The following PABPC1L variants were observed in gnomAD, a reference collection of about 807,000 sequenced individuals.
The protein encoded by PABPC1L is poly(A) binding protein cytoplasmic 1 like.
In PABPC1L, 31 loss-of-function variants were observed where a neutral mutation model predicts 66.6. The observed-to-expected ratio is 0.47, with a 90% CI of 0.35 to 0.63. The LOEUF is 0.63. Among genes scored for constraint, PABPC1L ranks in the 20% least tolerant of loss-of-function variants. The pLI is 0.00. For missense variants in PABPC1L, 722 were observed against 848.8 expected (o/e 0.85, Z 1.86); for synonymous variants, 348 against 335.1 (o/e 1.04, Z -0.42).
chr20:44,921,550 A>G, intron 5 of PABPC1L, 44 bp from the exon 6 acceptor site: 1 of 1,606,528 alleles, frequency 6.2e-7, no homozygotes, highest in Non-Finnish European at 8.5e-7. Context: ...GGCCAGGGCC[A>G]CATCTGAGTG....
intron 3 of PABPC1L, among the ~76,000 whole-genome samples, chr20:44,917,361 A>AT (rs11483820): frequency 0.64 from 83,899 of 130,658 alleles, 26,908 homozygotes; most frequent in African/African-American, 0.67. Context: ...TAATTTTTTG[A>AT]TTTTTTTTTT....
chr20:44,933,355 A>G (rs1392447138), intron 10 of PABPC1L, among the ~76,000 whole-genome samples, 170 bp downstream of exon 10: 3 of 152,278 alleles, frequency 2.0e-5, no homozygotes, highest in East Asian at 3.9e-4. Context: ...CCAACTGACT[A>G]TGAGGCCCTT....
Position 44,930,425 on chromosome 20 carries a change from C to T in PABPC1L, c.973-35C>T, listed in dbSNP as rs75771638. ...GCGCAGCCCCAGGAGCCTTCCTTCC[C>T]CACCCCAGCAGCTCTTGTCTTGTCT... On this transcript the variant is annotated intron_variant, in intron 7 of 14. Coordinates refer to ENST00000217073, the MANE Select transcript of PABPC1L (RefSeq NM_001372179.1). The T allele has an allele frequency of 1.7e-4, 268 of 1,588,908 alleles. 1 individual carries two copies. The African/African-American group carries it at 3.3e-3, about 19-fold the overall frequency.
At chr20:44,931,041 C>CTCCCTTCCCTCCCTTCCCT (rs1568650005) in intron 8 of PABPC1L, among the ~76,000 whole-genome samples, 1 of 55,958 alleles carries the variant, frequency 1.8e-5, no homozygotes, top group African/African-American at 7.3e-5. Context: ...CCTCCCTTCC[C>CTCCCTTCCCTCCCTTCCCT]TCCCTTCCCT....
chr20:44,911,823 T>C (rs1236930145), intron 1 of PABPC1L, among the ~76,000 whole-genome samples: 1 of 152,224 alleles, frequency 6.6e-6, no homozygotes, highest in Admixed American at 6.5e-5. Flanking sequence ...CAGGTATTTA[T>C]GATAAGACTA....
intron 7 of PABPC1L, 28 bp downstream of exon 7, chr20:44,924,284 C>T (rs1223342512): frequency 1.6e-5 from 25 of 1,522,020 alleles, no homozygotes; most frequent in Non-Finnish European, 2.1e-5. Context: ...CTCCGGGGGA[C>T]AGCGTTCCCC....
chr20:44,934,555 G>A (rs1349918488), intron 10 of PABPC1L, among the ~76,000 whole-genome samples: 1 of 152,140 alleles, frequency 6.6e-6, no homozygotes, highest in Non-Finnish European at 1.5e-5. Flanking sequence ...TTCTTGCTTG[G>A]TACCTCATGT....
chr20:44,923,440 T>A (rs2145566248), intron 6 of PABPC1L, among the ~76,000 whole-genome samples: 1 of 151,968 alleles, frequency 6.6e-6, no homozygotes, highest in East Asian at 1.9e-4. Flanking sequence ...CTGACCAACA[T>A]GGAGAAAGGA....
intron 5 of PABPC1L, 27 bp from the exon 6 acceptor site, chr20:44,921,566 CA>C (rs2066773295): frequency 1.9e-6 from 3 of 1,611,800 alleles, no homozygotes; most frequent in Admixed American, 3.4e-5. Context: ...GAGTGGTTAC[CA>C]AGCATGTTCC....
chr20:44,938,787 A>C, intron 14 of PABPC1L, 39 bp downstream of exon 14: 1 of 1,581,928 alleles, frequency 6.3e-7, no homozygotes, highest in Non-Finnish European at 8.6e-7. Context: ...AGCCCGGGAG[A>C]AGCTGTAAGG....
intron 1 of PABPC1L, 85 bp from the exon 2 acceptor site, chr20:44,912,575 C>A: frequency 8.5e-7 from 1 of 1,182,038 alleles, no homozygotes. Flanking sequence ...TTTATTGGCT[C>A]CCAGTTAAGC....
Position 44,918,908 on chromosome 20 carries a change from T to C in PABPC1L, c.506T>C (p.Phe169Ser), listed in dbSNP as rs893827888. ...GAGCCAGTGTGTCATGTCCACAGCT[T>C]TGTGGGTCACTTCAAGTCTCGACGG... ...NGMLLNDRKV[F>S]VGHFKSRRER... Residue 169 changes from phenylalanine to serine, a missense_variant and splice_region_variant, in exon 4 of 15, where the codon TTT becomes TCT. Phe to Ser is a radical substitution (Grantham distance 155). Transcript: ENST00000217073. The C allele has an allele frequency of 5.0e-6, 8 of 1,585,526 alleles. No individual in the cohort carries two copies. The African/African-American group carries it at 6.7e-5, about 13-fold the overall frequency.
In PABPC1L at chr20:44,924,274, CTCCGGGGGACA is replaced by C. The variant is rs770637018; in HGVS notation, c.972+19_972+29del. ...GTGCGAAGGTGAGGACTGGGGGCAC[CTCCGGGGGACA>C]GCGTTCCCCTCCATCCTCTCACCAC... On this transcript the variant is annotated intron_variant, in intron 7 of 14. Coordinates refer to ENST00000217073, the MANE Select transcript of PABPC1L (RefSeq NM_001372179.1). 1 of 1,572,644 alleles carries C rather than the reference CTCCGGGGGACA, an allele frequency of 6.4e-7. No homozygotes were observed. Among genetic ancestry groups the C allele is most frequent in the Non-Finnish European group, 8.8e-7 (1 of 1,142,566 alleles).
chr20:44,919,404 C>T (rs769451721), intron 5 of PABPC1L, 127 bp downstream of exon 5: 255 of 1,021,054 alleles, frequency 2.5e-4, no homozygotes, highest in Non-Finnish European at 3.5e-4. Context: ...TGGGAGAGTC[C>T]TGTGTGCAGG....
In PABPC1L at chr20:44,916,823, A is replaced by G. The variant is rs775382210; in HGVS notation, c.455A>G (p.Gln152Arg). Residue 152 changes from glutamine (Q) to arginine (R), a missense_variant, in exon 3 of 15, where the codon CAG (glutamine) becomes CGG (arginine). Around this residue, in one of 3 missense-constraint regions of PABPC1L, gnomAD observed 284 missense variants for 294.8 expected, o/e 0.96. Transcript: ENST00000217073. ...FVHFETHEAAQQAINTMNGML... is the reference protein window; with the variant it reads ...FVHFETHEAARQAINTMNGML... ...CATTTTGAGACCCATGAGGCCGCAC[A>G]GCAGGCCATCAACACCATGAATGGG... The G allele has an allele frequency of 3.1e-6, 5 of 1,614,206 alleles. No individual in the cohort carries two copies. In the South Asian group the frequency reaches 4.4e-5, roughly 14 times the overall value.
chr20:44,911,537 C>A (rs1350052659), intron 1 of PABPC1L, among the ~76,000 whole-genome samples: 1 of 152,132 alleles, frequency 6.6e-6, no homozygotes, highest in African/African-American at 2.4e-5. Flanking sequence ...ATGTAAGACT[C>A]CAGAAACTCA....
At position 44,920,573 on chromosome 20, in the gene PABPC1L, A is replaced by G. The variant is rs551321080; in HGVS notation, c.739-1021A>G. Among the ~76,000 whole-genome samples the G allele has an allele frequency of 2.5e-3, 378 of 152,060 alleles. 2 individuals are homozygous for G. The highest frequency in any genetic ancestry group is 3.4e-3 in the Non-Finnish European group (228 of 67,996). On this transcript the variant is annotated intron_variant, in intron 5 of 14. Transcript: ENST00000217073. ...AACCTCCGCCTCCTGGGTTCAAGTAATTCTCCTGCCTCAACCTCCCGAGTA... is the reference window on the plus strand; with the variant it reads ...AACCTCCGCCTCCTGGGTTCAAGTAGTTCTCCTGCCTCAACCTCCCGAGTA...
intron 7 of PABPC1L, among the ~76,000 whole-genome samples, chr20:44,927,150 T>G (rs1455822962): frequency 6.6e-6 from 1 of 152,104 alleles, no homozygotes; most frequent in East Asian, 1.9e-4. Context: ...CCTCCCAAAG[T>G]GCTGGGATTA....
chr20:44,913,683 G>C (rs527393096), intron 2 of PABPC1L, among the ~76,000 whole-genome samples: 35 of 152,148 alleles, frequency 2.3e-4, no homozygotes, highest in Non-Finnish European at 4.6e-4. Flanking sequence ...TTACAGCCAT[G>C]AGCCACCGCA....
Sources: allele counts gnomAD v4.1 joint callset (sites outside exome capture counted in the v4.1 genomes callset), GRCh38; gene constraint gnomAD v4.1.1; regional missense constraint gnomAD v4.1.1; transcripts MANE v1.5; gene names NCBI Gene and HGNC (gene_info 2026-07-23, HGNC 2026-07-21).